The following TES variants were observed in gnomAD, a reference collection of about 807,000 sequenced individuals.
TES encodes the protein testin LIM domain protein, also known as testin.
A neutral mutation model predicts 48.2 loss-of-function variants in TES; 41 were observed. That is an observed-to-expected ratio of 0.85 (90% CI 0.66 to 1.10). The LOEUF (loss-of-function observed/expected upper bound fraction) is 1.10. TES is among the 50% of genes least tolerant of loss of function. TES has a pLI of 0.00. For missense variants in TES, 463 were observed against 515.1 expected, an observed-to-expected ratio of 0.90 and a Z score of 0.98; for synonymous variants, 162 against 174.9, an observed-to-expected ratio of 0.93 and a Z score of 0.58.
rs534804784 is a variant in TES at position 116,252,359 on chromosome 7, T to C, written c.960T>C (p.Asn320=). 4.3e-6 allele frequency: 7 copies of C among 1,613,908 alleles called. No individual in the cohort carries two copies. Among genetic ancestry groups the C allele is most frequent in the Admixed American group, 3.3e-5 (2 of 60,028 alleles). Residue 320 remains asparagine, a synonymous_variant, in exon 6 of 7, where the codon AAT becomes AAC. Transcript: ENST00000358204. ...AGTATACCCAGGCAGAAAACCAGAA[T>C]TGGCACCTGAAACACTTCTGCTGCT... ...SNEYTQAENQ[N]WHLKHFCCFD...
At chr7:116,234,953 CTTTT>C (rs143860707) in intron 2 of TES, among the ~76,000 whole-genome samples, 2 of 151,564 alleles carry the variant, frequency 1.3e-5, no homozygotes, top group Non-Finnish European at 2.9e-5. Context: ...TTATTTGTTA[CTTTT>C]TTTTTGAGAC....
chr7:116,216,078 T>TA (rs1799490672), intron 1 of TES, among the ~76,000 whole-genome samples: 1 of 152,144 alleles, frequency 6.6e-6, no homozygotes, highest in Admixed American at 6.5e-5. Flanking sequence ...ATCAACATCA[T>TA]AGACCATCAG....
chr7:116,251,228 A>G (rs2116628124), intron 4 of TES, among the ~76,000 whole-genome samples: 1 of 152,348 alleles, frequency 6.6e-6, no homozygotes, highest in East Asian at 1.9e-4. Context: ...TGTTACACAC[A>G]GGGTGAATGA....
At position 116,258,014 on chromosome 7, in the gene TES, A is replaced by G. The variant is rs970469866; in HGVS notation, c.*532A>G. On this transcript the variant is annotated 3_prime_UTR_variant, in exon 7 of 7. Coordinates refer to ENST00000358204, the MANE Select transcript of TES (RefSeq NM_015641.4). ...ATGCAGAGCTGCTGTTTTAATGCCT[A>G]TGCATTTACTCTTTCCTGATTTAGG... The G allele has an allele frequency of 6.6e-6, 1 of 152,204 alleles. No homozygotes were observed. Among genetic ancestry groups the G allele is most frequent in the African/African-American group, 2.4e-5 (1 of 41,444 alleles). 9.4% of individuals were successfully genotyped at this position (152,204 alleles called of 1,614,324 possible).
Position 116,250,223 on chromosome 7 carries a change from A to T in TES, c.429A>T (p.Ala143=), listed in dbSNP as rs201882045. Residue 143 remains alanine, a synonymous_variant, in exon 4 of 7, where the codon GCA becomes GCT. Transcript: ENST00000358204. ...AGCCAGTAGCAGGCTCAGAGGGGGC[A>T]CAGTACCGGAAGAAGCAGCTGGCAA... ...EKQPVAGSEG[A]QYRKKQLAKQ... The T allele has an allele frequency of 5.0e-6, 8 of 1,600,598 alleles. No homozygotes were observed. Among genetic ancestry groups the T allele is most frequent in the Non-Finnish European group, 6.0e-6 (7 of 1,174,244 alleles).
At chr7:116,214,059 T>G (rs1799467395) in intron 1 of TES, among the ~76,000 whole-genome samples, 1 of 152,158 alleles carries the variant, frequency 6.6e-6, no homozygotes, top group Admixed American at 6.5e-5. Context: ...CTGCAGGGCT[T>G]TTTCATTTTA....
At chr7:116,224,155 A>C (rs1037903063) in intron 1 of TES, among the ~76,000 whole-genome samples, 16 of 152,178 alleles carry the variant, frequency 1.1e-4, no homozygotes, top group African/African-American at 3.9e-4. Context: ...AAATCTTAGA[A>C]GTGGGTCTCT....
intron 2 of TES, among the ~76,000 whole-genome samples, chr7:116,240,821 C>T (rs1033475563): frequency 5.9e-5 from 9 of 152,136 alleles, no homozygotes; most frequent in Admixed American, 4.6e-4. Context: ...TATATACTCT[C>T]TTAAAACTAT....
At chr7:116,254,276 T>C (rs187410336) in intron 6 of TES, among the ~76,000 whole-genome samples, 1 of 152,114 alleles carries the variant, frequency 6.6e-6, no homozygotes, top group East Asian at 1.9e-4. Context: ...TAGGACAACA[T>C]AGGTGCTCAA....
intron 1 of TES, among the ~76,000 whole-genome samples, chr7:116,220,181 A>G (rs1308699860): frequency 1.3e-5 from 2 of 152,214 alleles, no homozygotes; most frequent in Non-Finnish European, 2.9e-5. Context: ...TATCTTTGGT[A>G]ATGGAATAGA....
At position 116,258,208 on chromosome 7, in the gene TES, T is replaced by G. The variant is rs1800133787; in HGVS notation, c.*726T>G. ...GTTCTTTATTTTTTTTTTTTTATTT[T>G]GAGCAATTCTCCTGCCTCAGCCTCC... On this transcript the variant is annotated 3_prime_UTR_variant, in exon 7 of 7. Coordinates refer to ENST00000358204, the MANE Select transcript of TES (RefSeq NM_015641.4). 6.6e-6 allele frequency: 1 copy of G among 151,680 alleles called. No homozygotes were observed. The highest frequency in any genetic ancestry group is 1.5e-5 in the Non-Finnish European group (1 of 67,942). The allele number at this position is 151,680 out of a possible 1,614,324, so 9.4% of individuals were successfully genotyped here. A position where few individuals can be genotyped will look rare whatever the true frequency, so the allele number is the denominator to read the frequency against.
intron 1 of TES, among the ~76,000 whole-genome samples, chr7:116,232,873 G>T (rs1164119316): frequency 2.6e-5 from 4 of 152,128 alleles, no homozygotes; most frequent in African/African-American, 9.7e-5. Flanking sequence ...TACTTTATAT[G>T]GTCTAACTTA....
At chr7:116,257,258 T>C in intron 6 of TES, 36 bp from the exon 7 acceptor site, 1 of 1,540,376 alleles carries the variant, frequency 6.5e-7, no homozygotes, top group Non-Finnish European at 8.8e-7. Context: ...TACAGCTTGA[T>C]CTCTCACCCT....
intron 2 of TES, among the ~76,000 whole-genome samples, chr7:116,242,878 C>T (rs2116612881): frequency 6.6e-6 from 1 of 152,110 alleles, no homozygotes. Context: ...TGATTAGTAC[C>T]TTCAGAACCA....
intron 1 of TES, among the ~76,000 whole-genome samples, chr7:116,219,433 T>TGA (rs1044239959): frequency 2.6e-5 from 4 of 152,146 alleles, no homozygotes; most frequent in African/African-American, 9.7e-5. Flanking sequence ...TGTCATCTAT[T>TGA]GAGAGAGAGG....
At chr7:116,217,629 A>T (rs1409296591) in intron 1 of TES, 1 of 301,540 alleles carries the variant, frequency 3.3e-6, no homozygotes, top group African/African-American at 2.2e-5. Flanking sequence ...ATAAGGAAAC[A>T]AAAGACTAAT....
At chr7:116,257,193 A>T in intron 6 of TES, 101 bp from the exon 7 acceptor site, 5 of 1,288,590 alleles carry the variant, frequency 3.9e-6, no homozygotes, top group Admixed American at 2.6e-5. Flanking sequence ...GGTTGTCATT[A>T]TGAGTTTTAA....
rs148032626 is a variant in TES at position 116,246,946 on chromosome 7, C to CTTTTTTTTTTTTTTTTTT, written c.114-2074_114-2073insTTTTTTTTTTTTTTTTTT. Among the ~76,000 whole-genome samples the CTTTTTTTTTTTTTTTTTT allele has an allele frequency of 3.8e-5, 5 of 131,046 alleles. 1 individual carries two copies. Among genetic ancestry groups the CTTTTTTTTTTTTTTTTTT allele is most frequent in the African/African-American group, 5.9e-5 (2 of 34,086 alleles). The allele number at this position is 131,046 out of a possible 152,430, so 86.0% of individuals were successfully genotyped here. A position where few individuals can be genotyped will look rare whatever the true frequency, so the allele number is the denominator to read the frequency against. On this transcript the variant is annotated intron_variant, in intron 2 of 6. Transcript: ENST00000358204. Reference sequence around the variant, plus strand: ...AGTTCTAGAAATCAGAGACTAGGCCCCTTTTTTTTTTTTTTTTTTTTAAGC... The same window carrying CTTTTTTTTTTTTTTTTTT: ...AGTTCTAGAAATCAGAGACTAGGCCCTTTTTTTTTTTTTTTTTTCTTTTTTTTTTTTTTTTTTTTAAGC...
At chr7:116,216,968 G>A (rs1417093792) in intron 1 of TES, among the ~76,000 whole-genome samples, 2 of 151,986 alleles carry the variant, frequency 1.3e-5, no homozygotes, top group Non-Finnish European at 2.9e-5. Context: ...AAAACTATAT[G>A]AGTGCTTTTT....
Sources: allele counts gnomAD v4.1 joint callset (sites outside exome capture counted in the v4.1 genomes callset), GRCh38; gene constraint gnomAD v4.1.1; transcripts MANE v1.5; gene names NCBI Gene and HGNC (gene_info 2026-07-23, HGNC 2026-07-21).